CAMK2D: variants seen among roughly 807,000 people sequenced by gnomAD.
The protein encoded by CAMK2D is calcium/calmodulin dependent protein kinase II delta, also known as calcium/calmodulin-dependent protein kinase type II subunit delta.
Under a neutral mutation model 84.0 loss-of-function variants are expected in CAMK2D, and 37 were observed. That is an observed-to-expected ratio of 0.44 (90% CI 0.34 to 0.58). CAMK2D has a LOEUF of 0.58. CAMK2D is among the 20% of genes least tolerant of loss of function. The pLI is 0.02. For missense variants in CAMK2D, 448 were observed against 652.5 expected, an observed-to-expected ratio of 0.69 and a Z score of 3.41; for synonymous variants, 202 against 212.5, an observed-to-expected ratio of 0.95 and a Z score of 0.43.
intron 12 of CAMK2D, among the ~76,000 whole-genome samples, chr4:113,510,773 A>T (rs2098201303): frequency 6.6e-6 from 1 of 152,174 alleles, no homozygotes; most frequent in African/African-American, 2.4e-5. Context: ...CCTGACATTC[A>T]TTGATTTGGG....
At chr4:113,677,974 T>C (rs2099325765) in intron 2 of CAMK2D, among the ~76,000 whole-genome samples, 1 of 152,038 alleles carries the variant, frequency 6.6e-6, no homozygotes, top group Non-Finnish European at 1.5e-5. Flanking sequence ...TGTGATAAAA[T>C]AAATGTCATG....
intron 14 of CAMK2D, 38 bp from the exon 15 acceptor site, chr4:113,503,015 T>G: frequency 1.4e-6 from 2 of 1,450,248 alleles, no homozygotes; most frequent in Non-Finnish European, 1.9e-6. Flanking sequence ...ACAGTTCGCA[T>G]TGGTAAGTAC....
chr4:113,480,022 CG>C (rs987290595), intron 16 of CAMK2D, among the ~76,000 whole-genome samples: 4 of 152,038 alleles, frequency 2.6e-5, no homozygotes, highest in Non-Finnish European at 5.9e-5. Context: ...GGTGCAGTGG[CG>C]GGATCTTGGC....
chr4:113,707,061 A>G (rs540286086), intron 2 of CAMK2D, among the ~76,000 whole-genome samples: 14 of 152,326 alleles, frequency 9.2e-5, no homozygotes, highest in African/African-American at 3.4e-4. Context: ...TGTAGCAGAA[A>G]AAACACACCT....
intron 4 of CAMK2D, among the ~76,000 whole-genome samples, chr4:113,563,006 C>G (rs1362110557): frequency 6.6e-6 from 1 of 152,080 alleles, no homozygotes; most frequent in Non-Finnish European, 1.5e-5. Flanking sequence ...ACCTGTAATC[C>G]CAGCTCTTTT....
At chr4:113,514,171 T>C (rs942435556) in intron 10 of CAMK2D, among the ~76,000 whole-genome samples, 5 of 152,196 alleles carry the variant, frequency 3.3e-5, no homozygotes, top group African/African-American at 1.2e-4. Context: ...TTCCAGCACT[T>C]TGGAAGGCCA....
At chr4:113,525,001 AAT>A (rs1337168582) in intron 8 of CAMK2D, among the ~76,000 whole-genome samples, 1 of 152,216 alleles carries the variant, frequency 6.6e-6, no homozygotes. Context: ...CAGAACTGGT[AAT>A]AGCAACAGAA....
At chr4:113,688,256 T>G (rs1202865696) in intron 2 of CAMK2D, among the ~76,000 whole-genome samples, 3 of 152,238 alleles carry the variant, frequency 2.0e-5, no homozygotes, top group Non-Finnish European at 2.9e-5. Context: ...CAAGGAGGTC[T>G]GTGTGTTCCC....
intron 16 of CAMK2D, among the ~76,000 whole-genome samples, chr4:113,486,665 C>G (rs984503020): frequency 4.6e-5 from 7 of 152,182 alleles, no homozygotes; most frequent in African/African-American, 1.7e-4. Context: ...ATCTCTGCTT[C>G]CTGATGCTAT....
chr4:113,555,836 G>T (rs1258621503), intron 4 of CAMK2D, among the ~76,000 whole-genome samples: 2 of 152,142 alleles, frequency 1.3e-5, no homozygotes, highest in Admixed American at 6.5e-5. Context: ...ATATTAGGAG[G>T]TGGGGCCTGT....
intron 4 of CAMK2D, among the ~76,000 whole-genome samples, chr4:113,582,335 C>T (rs1350013655): frequency 2.6e-5 from 4 of 152,292 alleles, no homozygotes; most frequent in African/African-American, 9.6e-5. Context: ...ATCTAGGACA[C>T]ACGTTTCTAT....
At chr4:113,635,614 A>G (rs1561507024) in intron 3 of CAMK2D, among the ~76,000 whole-genome samples, 1 of 152,206 alleles carries the variant, frequency 6.6e-6, no homozygotes, top group Non-Finnish European at 1.5e-5. Flanking sequence ...GCCTTCACAA[A>G]TATGTTAGTA....
chr4:113,685,025 C>A (rs1228152485), intron 2 of CAMK2D, among the ~76,000 whole-genome samples: 1 of 152,102 alleles, frequency 6.6e-6, no homozygotes, highest in Non-Finnish European at 1.5e-5. Context: ...TGAGCAAAGT[C>A]CTTCTCTCTT....
intron 2 of CAMK2D, among the ~76,000 whole-genome samples, chr4:113,678,951 T>C (rs1238426730): frequency 6.6e-6 from 1 of 152,164 alleles, no homozygotes; most frequent in African/African-American, 2.4e-5. Flanking sequence ...CAGAAGCCTC[T>C]CCTACTCCCT....
chr4:113,537,558 TC>T, intron 6 of CAMK2D, 115 bp from the exon 7 acceptor site: 1 of 637,882 alleles, frequency 1.6e-6, no homozygotes, highest in Non-Finnish European at 2.8e-6. Context: ...CTGTCATCTT[TC>T]CTGGAGACTG....
intron 4 of CAMK2D, among the ~76,000 whole-genome samples, chr4:113,577,208 A>C (rs970265386): frequency 3.9e-5 from 6 of 152,178 alleles, no homozygotes; most frequent in African/African-American, 9.6e-5. Flanking sequence ...AATTCTTTCC[A>C]TAATCTTAAA....
intron 13 of CAMK2D, chr4:113,508,236 C>T: frequency 6.5e-7 from 1 of 1,548,252 alleles, no homozygotes. Flanking sequence ...AGATCCTCAC[C>T]ATCATCTGAA....
chr4:113,696,175 G>GACAGACAC (rs1233991970), intron 2 of CAMK2D, among the ~76,000 whole-genome samples: 1 of 132,438 alleles, frequency 7.6e-6, no homozygotes, highest in African/African-American at 2.9e-5. Flanking sequence ...CCACTTGACA[G>GACAGACAC]ACAGACACAC....
chr4:113,733,408 G>A (rs1031099166), intron 2 of CAMK2D, among the ~76,000 whole-genome samples: 1 of 152,190 alleles, frequency 6.6e-6, no homozygotes, highest in Non-Finnish European at 1.5e-5. Context: ...GTAACTAGAT[G>A]CTGTCTAATT....
Sources: gnomAD v4.1 joint callset for allele counts (sites outside exome capture counted in the v4.1 genomes callset) on GRCh38, gnomAD v4.1.1 for gene constraint, MANE v1.5 for transcripts, NCBI Gene and HGNC (gene_info 2026-07-23, HGNC 2026-07-21) for gene names.